Variants in AFG2A observed in about 807,000 individuals in gnomAD.
AFG2A encodes the protein ATPase family gene 2 protein homolog A.
At chr4:123,103,644 T>C in the AFG2A span, among the ~76,000 whole-genome samples, 1 of 152,138 alleles carries the variant, frequency 6.6e-6, no homozygotes, top group East Asian at 1.9e-4. Flanking sequence ...TATCCGACAA[T>C]CTCAGTCCTA....
the AFG2A span, among the ~76,000 whole-genome samples, chr4:123,248,650 G>A: frequency 1.3e-5 from 2 of 152,156 alleles, no homozygotes; most frequent in Non-Finnish European, 2.9e-5. Flanking sequence ...GAGCATTTCA[G>A]AGGCTATGGT....
chr4:122,946,328 G>C, the AFG2A span, among the ~76,000 whole-genome samples: 1 of 152,224 alleles, frequency 6.6e-6, no homozygotes, highest in Non-Finnish European at 1.5e-5. Context: ...CTGCCACTGG[G>C]ATAAGCCTGT....
the AFG2A span, among the ~76,000 whole-genome samples, chr4:123,126,868 C>T: frequency 6.6e-6 from 1 of 152,128 alleles, no homozygotes; most frequent in African/African-American, 2.4e-5. Flanking sequence ...GAGATCAAAT[C>T]ATATTTTTGA....
the AFG2A span, among the ~76,000 whole-genome samples, chr4:123,152,554 C>T: frequency 1.7e-3 from 258 of 152,262 alleles, 4 homozygotes; most frequent in African/African-American, 5.5e-3. Flanking sequence ...CAAATTAAAA[C>T]GAGACATCAC....
the AFG2A span, among the ~76,000 whole-genome samples, chr4:122,944,461 T>C: frequency 2.0e-5 from 3 of 152,202 alleles, no homozygotes; most frequent in Non-Finnish European, 4.4e-5. Context: ...TTCACGTAGT[T>C]CTCGAGCCTT....
the AFG2A span, among the ~76,000 whole-genome samples, chr4:123,014,672 GA>G: frequency 2.6e-5 from 4 of 151,428 alleles, no homozygotes; most frequent in African/African-American, 4.9e-5. Context: ...TATACAGTTT[GA>G]AAAAAAATTA....
At chr4:123,126,694 C>T in the AFG2A span, among the ~76,000 whole-genome samples, 1 of 152,086 alleles carries the variant, frequency 6.6e-6, no homozygotes, top group South Asian at 2.1e-4. Flanking sequence ...TTCCTGCCAC[C>T]ATGTGAAGAA....
chr4:123,064,204 A>G, the AFG2A span, among the ~76,000 whole-genome samples: 1 of 152,218 alleles, frequency 6.6e-6, no homozygotes, highest in Non-Finnish European at 1.5e-5. Context: ...GAAATGCTGC[A>G]TGATTCTTTT....
chr4:123,215,185 A>G, the AFG2A span, among the ~76,000 whole-genome samples: 1 of 152,128 alleles, frequency 6.6e-6, no homozygotes, highest in Admixed American at 6.6e-5. Context: ...TCACAAATAC[A>G]TGTAATGATT....
chr4:122,954,482 G>T, the AFG2A span, among the ~76,000 whole-genome samples: 1 of 152,184 alleles, frequency 6.6e-6, no homozygotes, highest in Non-Finnish European at 1.5e-5. Flanking sequence ...GCTTATCCCA[G>T]TCCTCACTCT....
the AFG2A span, among the ~76,000 whole-genome samples, chr4:122,982,410 G>C: frequency 6.6e-6 from 1 of 152,132 alleles, no homozygotes; most frequent in Non-Finnish European, 1.5e-5. Flanking sequence ...CAAATATTTT[G>C]TTGAGAATAT....
the AFG2A span, among the ~76,000 whole-genome samples, chr4:123,000,441 T>C: frequency 5.8e-3 from 889 of 152,058 alleles, 20 homozygotes; most frequent in Admixed American, 0.032. Flanking sequence ...GGCTGTGGGT[T>C]TGTCATAGAT....
the AFG2A span, among the ~76,000 whole-genome samples, chr4:123,183,877 A>C: frequency 6.6e-6 from 1 of 152,128 alleles, no homozygotes; most frequent in Non-Finnish European, 1.5e-5. Context: ...CTCCCACCCC[A>C]GCCTCCTGAA....
At chr4:123,174,949 T>C in the AFG2A span, among the ~76,000 whole-genome samples, 12 of 151,828 alleles carry the variant, frequency 7.9e-5, no homozygotes, top group African/African-American at 2.9e-4. Context: ...TCCCACCTCA[T>C]CCCCCTCAGG....
chr4:123,052,255 T>G, the AFG2A span, among the ~76,000 whole-genome samples: 2 of 152,172 alleles, frequency 1.3e-5, no homozygotes, highest in African/African-American at 4.8e-5. Flanking sequence ...TTTTTCATTT[T>G]GCTCATTGTA....
the AFG2A span, among the ~76,000 whole-genome samples, chr4:123,181,428 A>G: frequency 0.011 from 1,633 of 152,164 alleles, 37 homozygotes; most frequent in African/African-American, 0.038. Context: ...CCTCGGCAAC[A>G]TGGCAAAACC....
the AFG2A span, among the ~76,000 whole-genome samples, chr4:123,016,325 C>T: frequency 2.2e-4 from 33 of 150,480 alleles, no homozygotes; most frequent in Admixed American, 3.3e-4. Flanking sequence ...ACTTCCTAGA[C>T]GGGGTGGCTG....
the AFG2A span, among the ~76,000 whole-genome samples, chr4:123,265,218 C>T: frequency 6.6e-6 from 1 of 152,024 alleles, no homozygotes; most frequent in Non-Finnish European, 1.5e-5. Flanking sequence ...TGCTTTTCAA[C>T]TTCCTTAAGA....
the AFG2A span, among the ~76,000 whole-genome samples, chr4:123,023,756 C>T: frequency 6.6e-6 from 1 of 152,076 alleles, no homozygotes; most frequent in African/African-American, 2.4e-5. Context: ...ATGGCAGCCT[C>T]CGAGCCGGTT....
Sources: allele counts gnomAD v4.1 joint callset (sites outside exome capture counted in the v4.1 genomes callset), GRCh38; gene constraint gnomAD v4.1.1; transcripts MANE v1.5; gene names NCBI Gene and HGNC (gene_info 2026-07-23, HGNC 2026-07-21).